The following TECRL variants were observed in gnomAD, a reference collection of about 807,000 sequenced individuals.
The protein encoded by TECRL is trans-2,3-enoyl-CoA reductase like.
Under a neutral mutation model 52.8 loss-of-function variants are expected in TECRL, and 63 were observed. The ratio of observed to expected loss-of-function variants is 1.19; its 90% CI spans 0.97 to 1.47. TECRL has a LOEUF of 1.47. Ranked by LOEUF, TECRL falls within the 40% of genes most tolerant of loss-of-function variation. TECRL has a pLI of 0.00. For synonymous variants in TECRL, 164 were observed against 141.9 expected (o/e 1.16, Z -1.10); for missense variants, 482 against 429.6 (o/e 1.12, Z -1.08).
intron 2 of TECRL, among the ~76,000 whole-genome samples, chr4:64,363,850 G>T (rs1721398745): frequency 6.6e-6 from 1 of 152,088 alleles, no homozygotes; most frequent in Admixed American, 6.6e-5. Context: ...AGAAGTTACT[G>T]TTTATTCCTA....
chr4:64,373,143 C>T (rs1413607638), intron 2 of TECRL, among the ~76,000 whole-genome samples: 1 of 151,022 alleles, frequency 6.6e-6, no homozygotes, highest in Non-Finnish European at 1.5e-5. Flanking sequence ...ATTTGTAAAA[C>T]CTAAAGATCA....
At chr4:64,317,649 A>G (rs145940876) in intron 4 of TECRL, among the ~76,000 whole-genome samples, 2 of 152,340 alleles carry the variant, frequency 1.3e-5, no homozygotes, top group African/African-American at 4.8e-5. Context: ...ATCCTGCTAG[A>G]TAAAGATTGT....
intron 2 of TECRL, among the ~76,000 whole-genome samples, chr4:64,340,421 G>C (rs1020212480): frequency 6.6e-6 from 1 of 152,214 alleles, no homozygotes. Flanking sequence ...CAGCTGTCTG[G>C]CTTCTCTCTG....
intron 6 of TECRL, 60 bp from the exon 7 acceptor site, chr4:64,305,298 G>A (rs993851515): frequency 3.4e-6 from 5 of 1,463,022 alleles, no homozygotes; most frequent in Non-Finnish European, 4.8e-6. Flanking sequence ...TATTTCAATT[G>A]TGACATACAT....
At chr4:64,313,799 A>G (rs1172390532) in intron 5 of TECRL, among the ~76,000 whole-genome samples, 1 of 149,620 alleles carries the variant, frequency 6.7e-6, no homozygotes, top group Non-Finnish European at 1.5e-5. Context: ...TTTTTTTGTC[A>G]TACTTCAAAA....
chr4:64,352,826 A>G (rs1720491351), intron 2 of TECRL, among the ~76,000 whole-genome samples: 1 of 152,198 alleles, frequency 6.6e-6, no homozygotes, highest in African/African-American at 2.4e-5. Context: ...TACAGTATAG[A>G]TGACAAATAT....
rs1006092980 is a variant in TECRL, at chr4:64,277,991, C to A, written c.*2081G>T. ...TCCACTCTGAATGTGCCCAAATTAC[C>A]AATGTACTTTTGCTTTGCAAGTGCA... On this transcript the variant is annotated 3_prime_UTR_variant, in exon 12 of 12. Coordinates refer to ENST00000381210, the MANE Select transcript of TECRL (RefSeq NM_001010874.5). 1 of 151,400 alleles carries A rather than the reference C, an allele frequency of 6.6e-6. No homozygotes were observed. Among genetic ancestry groups the A allele is most frequent in the Admixed American group, 6.6e-5 (1 of 15,190 alleles). 9.4% of individuals were successfully genotyped at this position (151,400 alleles called of 1,614,324 possible). A position where few individuals can be genotyped will look rare whatever the true frequency, so the allele number is the denominator to read the frequency against.
chr4:64,319,547 C>T (rs907185635), intron 4 of TECRL, among the ~76,000 whole-genome samples: 1 of 151,834 alleles, frequency 6.6e-6, no homozygotes, highest in African/African-American at 2.4e-5. Flanking sequence ...TATTTCCAAA[C>T]CACATATACA....
In TECRL at chr4:64,322,629, CAAT is replaced by C. The variant is rs1021419528; in HGVS notation, c.435+57_435+59del. ...AGTTTATTTGATAGAATTAATCTGTCAATAAATTATTTAGAGCAAAATATGAGA... is the reference window on the plus strand; with the variant it reads ...AGTTTATTTGATAGAATTAATCTGTCAAATTATTTAGAGCAAAATATGAGA... On this transcript the variant is annotated intron_variant, in intron 4 of 11. Transcript: ENST00000381210. 1.7e-5 allele frequency: 20 copies of C among 1,186,178 alleles called. No homozygotes were observed. The African/African-American group carries it at 1.9e-4, about 11-fold the overall frequency. 73.5% of individuals were successfully genotyped at this position (1,186,178 alleles called of 1,614,324 possible). A position where few individuals can be genotyped will look rare whatever the true frequency, so the allele number is the denominator to read the frequency against.
chr4:64,384,299 G>C (rs1723021420), intron 1 of TECRL, among the ~76,000 whole-genome samples: 1 of 152,120 alleles, frequency 6.6e-6, no homozygotes, highest in Non-Finnish European at 1.5e-5. Flanking sequence ...GTTCATGCCA[G>C]TCCTGTCTGT....
intron 1 of TECRL, among the ~76,000 whole-genome samples, chr4:64,380,105 T>A (rs10013271): frequency 0.9 from 135,899 of 151,840 alleles, 61,531 homozygotes; most frequent in East Asian, 1. Context: ...CCAGGGTAAG[T>A]TAATATCTAA....
At chr4:64,390,714 T>G (rs1282106396) in intron 1 of TECRL, among the ~76,000 whole-genome samples, 3 of 151,772 alleles carry the variant, frequency 2.0e-5, no homozygotes, top group Admixed American at 2.0e-4. Context: ...ATAACTAGAA[T>G]AAATCTACTG....
intron 2 of TECRL, among the ~76,000 whole-genome samples, chr4:64,354,196 T>A (rs1038042524): frequency 6.6e-6 from 1 of 152,068 alleles, no homozygotes; most frequent in Non-Finnish European, 1.5e-5. Context: ...CTATCAGTGG[T>A]TTGTAAGTTG....
intron 1 of TECRL, among the ~76,000 whole-genome samples, chr4:64,407,510 T>C (rs1724811933): frequency 6.7e-6 from 1 of 150,066 alleles, no homozygotes; most frequent in Admixed American, 6.7e-5. Flanking sequence ...TGTGTGTGTG[T>C]AATTAAGTAA....
At chr4:64,355,546 C>A (rs1341533693) in intron 2 of TECRL, among the ~76,000 whole-genome samples, 1 of 151,966 alleles carries the variant, frequency 6.6e-6, no homozygotes, top group Non-Finnish European at 1.5e-5. Flanking sequence ...CGCCTGTAAT[C>A]CCAGCACTTT....
chr4:64,348,907 T>A (rs1720180519), intron 2 of TECRL, among the ~76,000 whole-genome samples: 1 of 152,114 alleles, frequency 6.6e-6, no homozygotes, highest in Admixed American at 6.5e-5. Flanking sequence ...ATCCCTCCTC[T>A]TTGTTCCAGT....
intron 1 of TECRL, among the ~76,000 whole-genome samples, chr4:64,408,661 A>T (rs969281472): frequency 5.9e-5 from 9 of 152,130 alleles, no homozygotes; most frequent in African/African-American, 9.6e-5. Context: ...AAATGATTAA[A>T]TTTTTTCAGA....
chr4:64,291,524 T>C (rs1457129815), intron 8 of TECRL, among the ~76,000 whole-genome samples: 1 of 151,898 alleles, frequency 6.6e-6, no homozygotes, highest in Admixed American at 6.6e-5. Flanking sequence ...TTACCAAAAT[T>C]TGTGAAAAAA....
chr4:64,388,220 C>CTTT (rs3045235), intron 1 of TECRL, among the ~76,000 whole-genome samples: 33,260 of 126,892 alleles, frequency 0.26, 5,247 homozygotes, highest in African/African-American at 0.36. Flanking sequence ...AGTCTAAATC[C>CTTT]TTTTTTTTTT....
Sources: gnomAD v4.1 joint callset for allele counts (sites outside exome capture counted in the v4.1 genomes callset) on GRCh38, gnomAD v4.1.1 for gene constraint, MANE v1.5 for transcripts, NCBI Gene and HGNC (gene_info 2026-07-23, HGNC 2026-07-21) for gene names.